Variants in SFTPD observed in about 807,000 individuals in gnomAD.
SFTPD encodes surfactant protein D.
In SFTPD, 18 loss-of-function variants were observed where a neutral mutation model predicts 34.6. The ratio of observed to expected loss-of-function variants is 0.52; its 90% CI spans 0.36 to 0.77. The LOEUF is 0.77. Ranked by LOEUF, SFTPD falls within the 30% of genes least tolerant of loss-of-function variation. The pLI is 0.00. For missense variants in SFTPD, 433 were observed against 468.9 expected, an observed-to-expected ratio of 0.92 and a Z score of 0.71; for synonymous variants, 155 against 180.9, an observed-to-expected ratio of 0.86 and a Z score of 1.15.
At chr10:79,965,618 C>T in intron 1 of SFTPD, among the ~76,000 whole-genome samples, 1 of 94,360 alleles carries the variant, frequency 1.1e-5, no homozygotes, top group Non-Finnish European at 1.9e-5. Context: ...TTTTAGGGTA[C>T]ATGTGCACAT....
intron 1 of SFTPD, among the ~76,000 whole-genome samples, chr10:79,956,105 A>AT (rs1842736413): frequency 6.6e-6 from 1 of 151,172 alleles, no homozygotes; most frequent in Non-Finnish European, 1.5e-5. Flanking sequence ...TATGAAAATG[A>AT]TTTATATATT....
intron 1 of SFTPD, among the ~76,000 whole-genome samples, chr10:79,975,464 C>T (rs1323525627): frequency 6.6e-6 from 1 of 152,156 alleles, no homozygotes; most frequent in African/African-American, 2.4e-5. Flanking sequence ...TTACTCACCA[C>T]GGGGATTGCT....
chr10:79,982,162 G>A lies in SFTPD; in HGVS notation c.36+413C>T, dbSNP rs116402728. On this transcript the variant is annotated intron_variant, in intron 1 of 5. Coordinates refer to the SFTPD transcript ENST00000444384. ...CCGGGCGCGCCTGGCGGGGCAGGGC[G>A]GACATGGGCACCAAGCAGAGGAGCC... The A allele has an allele frequency of 5.5e-3, 2,231 of 404,778 alleles. 43 individuals carry two copies. Among genetic ancestry groups the A allele is most frequent in the African/African-American group, 0.041 (1,921 of 46,968 alleles). 25.1% of individuals were successfully genotyped at this position (404,778 alleles called of 1,614,324 possible).
chr10:79,955,814 T>C (rs1842735264), intron 1 of SFTPD, among the ~76,000 whole-genome samples: 1 of 152,228 alleles, frequency 6.6e-6, no homozygotes, highest in Admixed American at 6.5e-5. Context: ...CTTCACTGTG[T>C]AGCTCTATTA....
intron 1 of SFTPD, among the ~76,000 whole-genome samples, chr10:79,979,699 C>A (rs145257300): frequency 9.2e-5 from 14 of 152,316 alleles, no homozygotes; most frequent in Admixed American, 2.6e-4. Flanking sequence ...CCTAAATAAA[C>A]TTGAAAGGCA....
chr10:79,953,494 A>T (rs1310615460), upstream of SFTPD, among the ~76,000 whole-genome samples: 1 of 151,254 alleles, frequency 6.6e-6, no homozygotes, highest in Non-Finnish European at 1.5e-5. Flanking sequence ...GTTTCCACTG[A>T]GAAATCTCGT....
At chr10:79,970,318 T>C (rs1417010245) in intron 1 of SFTPD, 1 of 152,240 alleles carries the variant, frequency 6.6e-6, no homozygotes, top group Non-Finnish European at 1.5e-5. Context: ...TGCTTCCAGC[T>C]GCATTCTTTT....
At chr10:79,980,366 ACT>A (rs2132530966) in intron 1 of SFTPD, among the ~76,000 whole-genome samples, 1 of 152,280 alleles carries the variant, frequency 6.6e-6, no homozygotes, top group African/African-American at 2.4e-5. Context: ...GCATTTATAG[ACT>A]CACCCTGAGA....
chr10:79,975,453 C>T (rs1842859286), intron 1 of SFTPD, among the ~76,000 whole-genome samples: 1 of 152,182 alleles, frequency 6.6e-6, no homozygotes, highest in East Asian at 1.9e-4. Flanking sequence ...AGCTCCCCTT[C>T]TTACTCACCA....
intron 7 of SFTPD, among the ~76,000 whole-genome samples, chr10:79,939,838 T>TG (rs1842594259): frequency 6.6e-6 from 1 of 152,198 alleles, no homozygotes; most frequent in South Asian, 2.1e-4. Flanking sequence ...AACTCAAAGC[T>TG]GATATCAGGA....
intron 1 of SFTPD, chr10:79,981,869 C>T (rs1842892674): frequency 4.0e-6 from 1 of 250,196 alleles, no homozygotes; most frequent in Non-Finnish European, 7.7e-6. Flanking sequence ...CCAGAGGCAG[C>T]CACACGGACA....
At chr10:79,957,091 C>A (rs577628678) in intron 1 of SFTPD, among the ~76,000 whole-genome samples, 2 of 152,094 alleles carry the variant, frequency 1.3e-5, no homozygotes, top group South Asian at 4.2e-4. Context: ...GCTGAGGGTC[C>A]TATCTGTTAG....
At chr10:79,964,723 T>C (rs750244764) in intron 1 of SFTPD, among the ~76,000 whole-genome samples, 1 of 152,110 alleles carries the variant, frequency 6.6e-6, no homozygotes, top group Non-Finnish European at 1.5e-5. Context: ...CTCAGGAACT[T>C]GTCAGGCCCC....
At chr10:79,973,187 A>G (rs554173774) in intron 1 of SFTPD, 7 of 152,146 alleles carry the variant, frequency 4.6e-5, no homozygotes, top group Non-Finnish European at 7.4e-5. Flanking sequence ...TTCCCTTTTT[A>G]TTATAAATAA....
At chr10:79,953,525 C>G (rs1073479), upstream of SFTPD, among the ~76,000 whole-genome samples, 673 of 150,592 alleles carry the variant, frequency 4.5e-3, 8 homozygotes, top group African/African-American at 0.016. Flanking sequence ...TGGAGGTTCT[C>G]TTTTATGTGA....
At chr10:79,974,401 A>G (rs78344538) in intron 1 of SFTPD, among the ~76,000 whole-genome samples, 11,806 of 151,980 alleles carry the variant, frequency 0.078, 895 homozygotes, top group East Asian at 0.39. Context: ...TGCCCGCCTC[A>G]GCCTCCCAAA....
chr10:79,955,073 C>T (rs1268047656), intron 1 of SFTPD, among the ~76,000 whole-genome samples: 3 of 152,180 alleles, frequency 2.0e-5, no homozygotes, highest in Non-Finnish European at 2.9e-5. Context: ...TTGGGGCCTT[C>T]GCAGCCTCCA....
chr10:79,960,993 A>G (rs1286572111), intron 1 of SFTPD, among the ~76,000 whole-genome samples: 10 of 152,338 alleles, frequency 6.6e-5, no homozygotes, highest in East Asian at 5.8e-4. Context: ...ATAATGCCGC[A>G]TATCTGCAAC....
At chr10:79,941,367 G>A in intron 6 of SFTPD, 31 bp downstream of exon 6, 1 of 1,590,428 alleles carries the variant, frequency 6.3e-7, no homozygotes, top group Non-Finnish European at 8.6e-7. Context: ...GCCCCAGCGG[G>A]GCTTCCCTGG....
Sources: allele counts gnomAD v4.1 joint callset (sites outside exome capture counted in the v4.1 genomes callset), GRCh38; gene constraint gnomAD v4.1.1; transcripts MANE v1.5; gene names NCBI Gene and HGNC (gene_info 2026-07-23, HGNC 2026-07-21).